The following NYAP2 variants were observed in gnomAD, a reference collection of about 807,000 sequenced individuals.
The protein encoded by NYAP2 is neuronal tyrosine-phosphorylated phosphoinositide-3-kinase adaptor 2, also known as neuronal tyrosine-phosphorylated phosphoinositide-3-kinase adapter 2.
In NYAP2, 23 loss-of-function variants were observed where a neutral mutation model predicts 50.4. That is an observed-to-expected ratio of 0.46 (90% confidence interval 0.33 to 0.65). The LOEUF is 0.65. NYAP2 is among the 30% of genes least tolerant of loss of function. The pLI, the probability that NYAP2 is intolerant of heterozygous loss-of-function variation, is 0.02. For missense variants in NYAP2, 885 were observed against 861.0 expected (o/e 1.03, Z -0.35); for synonymous variants, 394 against 365.2 (o/e 1.08, Z -0.90).
chr2:225,620,439 GCA>G (rs1339568747), intron 5 of NYAP2, among the ~76,000 whole-genome samples: 10 of 30,980 alleles, frequency 3.2e-4, no homozygotes, highest in African/African-American at 6.2e-4. Flanking sequence ...ACGCACACAC[GCA>G]CGCACACGCA....
chr2:225,623,528 G>A (rs574255454), intron 5 of NYAP2, among the ~76,000 whole-genome samples: 32 of 151,892 alleles, frequency 2.1e-4, no homozygotes, highest in Non-Finnish European at 4.4e-4. Flanking sequence ...ATGACTATAA[G>A]CAATACAAAG....
At chr2:225,557,485 T>C (rs1363519325) in intron 4 of NYAP2, among the ~76,000 whole-genome samples, 2 of 152,184 alleles carry the variant, frequency 1.3e-5, no homozygotes, top group African/African-American at 4.8e-5. Context: ...ATGGAGCTTA[T>C]GTTTTAGTGG....
intron 3 of NYAP2, among the ~76,000 whole-genome samples, chr2:225,409,373 A>G (rs1255653848): frequency 6.6e-6 from 1 of 152,104 alleles, no homozygotes. Flanking sequence ...ACAAAAGCTC[A>G]TACTCAATAA....
chr2:225,614,307 A>AT (rs1000734474), intron 5 of NYAP2, among the ~76,000 whole-genome samples: 16 of 152,204 alleles, frequency 1.1e-4, no homozygotes, highest in African/African-American at 3.4e-4. Flanking sequence ...TAAAATAATC[A>AT]TTTTTTAAAC....
intron 6 of NYAP2, among the ~76,000 whole-genome samples, chr2:225,629,508 G>T (rs936713074): frequency 6.6e-6 from 1 of 152,180 alleles, no homozygotes. Flanking sequence ...GGAAACAGAA[G>T]ATGTCTTAAT....
the NYAP2 span, among the ~76,000 whole-genome samples, chr2:225,661,726 CTT>C: frequency 2.1e-5 from 3 of 145,146 alleles, no homozygotes; most frequent in African/African-American, 2.5e-5. Flanking sequence ...TTTGCTCTCT[CTT>C]TTTTTTTTTT....
the NYAP2 span, among the ~76,000 whole-genome samples, chr2:225,697,411 T>C: frequency 6.4e-4 from 98 of 152,130 alleles, 1 homozygote; most frequent in African/African-American, 2.2e-3. Context: ...TCAAAAACTA[T>C]AGCAAAAACT....
the NYAP2 span, among the ~76,000 whole-genome samples, chr2:225,683,290 A>G: frequency 6.6e-6 from 1 of 152,072 alleles, no homozygotes; most frequent in Non-Finnish European, 1.5e-5. Flanking sequence ...ATCCCTTGAA[A>G]GCTTGGTGCT....
At chr2:225,622,545 CT>C (rs1473122415) in intron 5 of NYAP2, among the ~76,000 whole-genome samples, 12 of 64,710 alleles carry the variant, frequency 1.9e-4, no homozygotes, top group East Asian at 3.7e-4. Context: ...TTCTTTCTTT[CT>C]TTCTTTCTTT....
chr2:225,652,297 A>G lies in NYAP2; in HGVS notation c.*732A>G, dbSNP rs186563695. On this transcript the variant is annotated 3_prime_UTR_variant, in exon 7 of 7. Coordinates refer to ENST00000636099, the Ensembl canonical transcript of NYAP2. ...TTTAAATGAATGACTTTTCTCTCTT[A>G]TACCAACAATATCAGAAATGTTCTC... 5.3e-5 allele frequency: 8 copies of G among 152,318 alleles called. No individual in the cohort carries two copies. In the East Asian group the frequency reaches 1.5e-3, roughly 29 times the overall value. The allele number at this position is 152,318 out of a possible 1,614,324, so 9.4% of individuals were successfully genotyped here.
intron 4 of NYAP2, among the ~76,000 whole-genome samples, chr2:225,561,781 A>G (rs1691879849): frequency 6.6e-6 from 1 of 152,144 alleles, no homozygotes; most frequent in Admixed American, 6.6e-5. Flanking sequence ...TTATTTTAGT[A>G]GCCTGCACAT....
chr2:225,575,684 G>A (rs1273203196), intron 4 of NYAP2, among the ~76,000 whole-genome samples: 1 of 152,184 alleles, frequency 6.6e-6, no homozygotes, highest in Non-Finnish European at 1.5e-5. Flanking sequence ...GGAGAAAGTG[G>A]AAGCTGCCAG....
chr2:225,463,491 CTGTT>C (rs1256689957), intron 3 of NYAP2, among the ~76,000 whole-genome samples: 3 of 152,252 alleles, frequency 2.0e-5, no homozygotes, highest in African/African-American at 4.8e-5. Flanking sequence ...TTATTCAACT[CTGTT>C]TGTAATAGTG....
At chr2:225,675,802 A>T in the NYAP2 span, among the ~76,000 whole-genome samples, 4 of 152,114 alleles carry the variant, frequency 2.6e-5, no homozygotes, top group Non-Finnish European at 5.9e-5. Flanking sequence ...CCTTGACAAC[A>T]TCTGTAGTTT....
chr2:225,652,267 C>T (rs1271631437), exon 7 of NYAP2: 1 of 152,102 alleles, frequency 6.6e-6, no homozygotes, highest in Non-Finnish European at 1.5e-5. Flanking sequence ...ATTAATAAGG[C>T]AACCTTTAAA....
chr2:225,655,611 AG>A (rs1428653059), downstream of NYAP2, among the ~76,000 whole-genome samples: 1 of 152,212 alleles, frequency 6.6e-6, no homozygotes, highest in African/African-American at 2.4e-5. Context: ...TAGACACAGC[AG>A]ATGGTGATGC....
intron 3 of NYAP2, among the ~76,000 whole-genome samples, chr2:225,423,118 G>C (rs902274339): frequency 2.0e-5 from 3 of 152,096 alleles, no homozygotes; most frequent in Non-Finnish European, 4.4e-5. Flanking sequence ...TCTCCAAGGA[G>C]AGATGGTGCA....
intron 4 of NYAP2, among the ~76,000 whole-genome samples, chr2:225,552,317 T>C (rs1178331957): frequency 2.6e-5 from 4 of 152,122 alleles, no homozygotes; most frequent in African/African-American, 7.2e-5. Context: ...TCAACAAATA[T>C]AGAAGGACTA....
At chr2:225,426,666 A>T (rs1695292838) in intron 3 of NYAP2, among the ~76,000 whole-genome samples, 1 of 152,212 alleles carries the variant, frequency 6.6e-6, no homozygotes, top group Non-Finnish European at 1.5e-5. Flanking sequence ...GTATGAAACG[A>T]TTCTTTTGGC....
Sources: gnomAD v4.1 joint callset for allele counts (sites outside exome capture counted in the v4.1 genomes callset) on GRCh38, gnomAD v4.1.1 for gene constraint, MANE v1.5 for transcripts, NCBI Gene and HGNC (gene_info 2026-07-23, HGNC 2026-07-21) for gene names.